The following TRPM6 variants were observed in gnomAD, a reference collection of about 807,000 sequenced individuals.
TRPM6 encodes channel kinase 2.
TRPM6 carries 111 observed loss-of-function variants against 247.6 expected under a neutral mutation model. The observed-to-expected ratio is 0.45, with a 90% CI of 0.38 to 0.52. The LOEUF (loss-of-function observed/expected upper bound fraction) is 0.52, where lower values mean the gene tolerates loss of function less well. TRPM6 is among the 20% of genes least tolerant of loss of function. The pLI is 0.00. For synonymous variants in TRPM6, 892 were observed against 853.8 expected (o/e 1.04, Z -0.78); for missense variants, 2,126 against 2,421.5 (o/e 0.88, Z 2.56).
rs753358405 is a variant in TRPM6, at chr9:74,800,378, G to A, written c.2114C>T (p.Ser705Leu). 2.5e-6 allele frequency: 4 copies of A among 1,613,964 alleles called. No individual in the cohort carries two copies. The Admixed American group carries it at 5.0e-5, about 20-fold the overall frequency. The change falls in exon 17 of 39, where the codon TCG (serine) becomes TTG (leucine). Residue 705 changes from serine to leucine, a missense_variant. Coordinates refer to ENST00000360774, the MANE Select transcript of TRPM6 (RefSeq NM_017662.5). The stretch of plus-strand genomic sequence containing the variant: ...CGACACGGCCAGTTTAAGGCAGGTC[G>A]AATTGCTCCAGTTCCTGAGTTCATA... ...LTYELRNWSN[S>L]TCLKLAVSGG...
chr9:74,806,671 T>C (rs187993725), intron 14 of TRPM6, among the ~76,000 whole-genome samples: 71 of 152,330 alleles, frequency 4.7e-4, no homozygotes, highest in Non-Finnish European at 7.9e-4. Flanking sequence ...GACAAATTTA[T>C]AAAAGGGTCA....
At chr9:74,820,490 A>G in intron 8 of TRPM6, 63 bp from the exon 9 acceptor site, 6 of 1,597,306 alleles carry the variant, frequency 3.8e-6, no homozygotes, top group Non-Finnish European at 5.1e-6. Context: ...CAACATCAGT[A>G]CAAGAAAACA....
In TRPM6 at chr9:74,812,457, T is replaced by C. The variant is rs778345014; in HGVS notation, c.1309-24A>G. 1.5e-5 allele frequency: 24 copies of C among 1,604,676 alleles called. No homozygotes were observed. In the African/African-American group the frequency reaches 2.5e-4, roughly 16 times the overall value. On this transcript the variant is annotated intron_variant, in intron 11 of 38. Transcript: ENST00000360774. ...GGCTTCAGAAAGCACAAATAAGAAA[T>C]ATAAAGACAATTAAGAAAGTAGAAA...
intron 6 of TRPM6, among the ~76,000 whole-genome samples, chr9:74,832,609 C>T (rs1225276191): frequency 5.3e-5 from 8 of 152,158 alleles, no homozygotes; most frequent in East Asian, 3.9e-4. Context: ...TTCAAAATAA[C>T]GGAGGGTGTC....
At position 74,730,707 on chromosome 9, in the gene TRPM6, C is replaced by T. The variant is rs80078818; in HGVS notation, c.5828+1978G>A. On this transcript the variant is annotated intron_variant, in intron 37 of 38. Coordinates refer to ENST00000360774, the MANE Select transcript of TRPM6 (RefSeq NM_017662.5). The stretch of plus-strand genomic sequence containing the variant: ...CGGTGATGCTGACCTTGTTGGTCCA[C>T]GTCCCATGCTTCGTGTAGCAAGTGC... Among the ~76,000 whole-genome samples, 13 of 152,230 alleles carry T rather than the reference C, an allele frequency of 8.5e-5. No homozygotes were observed. The East Asian group carries it at 2.3e-3, about 27-fold the overall frequency.
rs1414203976 is a variant in TRPM6, at chr9:74,816,723, C to T, written c.1254G>A (p.Trp418Ter). The stretch of plus-strand genomic sequence containing the variant: ...GTTTCTTGGCAATGTCCACCCTGTC[C>T]CAAGCCATTGCCAGATTTAATTGCT... ...ASEQLNLAMA[W>*]DRVDIAKKHI... The change falls in exon 11 of 39, where the codon TGG becomes TGA. Residue 418 changes from tryptophan to a stop codon, truncating the protein, a stop_gained. Transcript: ENST00000360774. LOFTEE classifies it high-confidence loss of function. The T allele has an allele frequency of 6.2e-7, 1 of 1,614,122 alleles. No homozygotes were observed. Among genetic ancestry groups the T allele is most frequent in the Non-Finnish European group, 8.5e-7 (1 of 1,180,032 alleles).
intron 2 of TRPM6, chr9:74,857,819 T>C (rs1830573681): frequency 6.6e-6 from 1 of 152,234 alleles, no homozygotes; most frequent in Non-Finnish European, 1.5e-5. Flanking sequence ...AAATTACCTG[T>C]TCATCTAATC....
At chr9:74,757,769 C>T (rs772426302) in intron 27 of TRPM6, among the ~76,000 whole-genome samples, 5 of 151,560 alleles carry the variant, frequency 3.3e-5, no homozygotes, top group Non-Finnish European at 5.9e-5. Flanking sequence ...AAAAATTAGC[C>T]AGGCATGGTG....
intron 3 of TRPM6, 89 bp downstream of exon 3, chr9:74,855,438 A>T: frequency 1.1e-6 from 1 of 915,074 alleles, no homozygotes; most frequent in Non-Finnish European, 1.8e-6. Flanking sequence ...CCATTTACTG[A>T]GTACATTCAA....
At chr9:74,867,459 A>G (rs1830882909) in intron 1 of TRPM6, among the ~76,000 whole-genome samples, 1 of 152,206 alleles carries the variant, frequency 6.6e-6, no homozygotes, top group Non-Finnish European at 1.5e-5. Flanking sequence ...TCCCACATGC[A>G]TATCTTAGTC....
At chr9:74,770,953 T>C (rs1827011504) in intron 25 of TRPM6, among the ~76,000 whole-genome samples, 1 of 152,148 alleles carries the variant, frequency 6.6e-6, no homozygotes, top group African/African-American at 2.4e-5. Flanking sequence ...TCCTATTCTG[T>C]CTTCACCCAC....
At position 74,751,328 on chromosome 9, in the gene TRPM6, C is replaced by T. The variant is rs1367047025; in HGVS notation, c.4999-606G>A. On this transcript the variant is annotated intron_variant, in intron 29 of 38. Coordinates refer to ENST00000360774, the MANE Select transcript of TRPM6 (RefSeq NM_017662.5). ...ATAATCTTATAAGGATGGCATTAGT[C>T]CCACTTTAGAGATACAGGTAATGAA... Among the ~76,000 whole-genome samples, 11 of 152,244 alleles carry T rather than the reference C, an allele frequency of 7.2e-5. No homozygotes were observed. In the South Asian group the frequency reaches 1.0e-3, roughly 14 times the overall value.
intron 2 of TRPM6, among the ~76,000 whole-genome samples, chr9:74,855,900 T>C (rs1184265469): frequency 6.6e-6 from 1 of 152,206 alleles, no homozygotes; most frequent in Non-Finnish European, 1.5e-5. Flanking sequence ...TAATATGTAA[T>C]GTGTCTTATG....
At chr9:74,822,419 T>C (rs1056064967) in intron 7 of TRPM6, among the ~76,000 whole-genome samples, 1 of 151,526 alleles carries the variant, frequency 6.6e-6, no homozygotes, top group African/African-American at 2.4e-5. Flanking sequence ...CTAGCTTTTT[T>C]TTTTTTTCAG....
intron 3 of TRPM6, among the ~76,000 whole-genome samples, chr9:74,852,466 C>G (rs1178564183): frequency 1.3e-5 from 2 of 150,544 alleles, no homozygotes; most frequent in African/African-American, 4.9e-5. Flanking sequence ...TCTCCCTCTC[C>G]CTCTCCCTCT....
intron 27 of TRPM6, among the ~76,000 whole-genome samples, chr9:74,756,517 T>G (rs1283383773): frequency 6.6e-6 from 1 of 151,398 alleles, no homozygotes; most frequent in Non-Finnish European, 1.5e-5. Flanking sequence ...AAAACAGTGG[T>G]TAGAGGGAAT....
At chr9:74,797,960 A>G (rs1274098204) in intron 17 of TRPM6, among the ~76,000 whole-genome samples, 1 of 152,202 alleles carries the variant, frequency 6.6e-6, no homozygotes, top group African/African-American at 2.4e-5. Context: ...TTTCTCTACT[A>G]GTAAAACCCA....
intron 3 of TRPM6, among the ~76,000 whole-genome samples, chr9:74,849,156 C>A (rs1452285051): frequency 1.3e-5 from 2 of 152,056 alleles, no homozygotes; most frequent in Non-Finnish European, 2.9e-5. Flanking sequence ...TCGAGACCAA[C>A]CTGGCCAACA....
chr9:74,838,742 T>C (rs1163055065), intron 5 of TRPM6, among the ~76,000 whole-genome samples: 1 of 102,022 alleles, frequency 9.8e-6, no homozygotes, highest in Non-Finnish European at 2.2e-5. Flanking sequence ...TCTTAAAACA[T>C]GGGCAAAATT....
Sources: allele counts gnomAD v4.1 joint callset (sites outside exome capture counted in the v4.1 genomes callset), GRCh38; gene constraint gnomAD v4.1.1; transcripts MANE v1.5; gene names NCBI Gene and HGNC (gene_info 2026-07-23, HGNC 2026-07-21).